MORC1: variants seen among roughly 807,000 people sequenced by gnomAD.
MORC1 encodes the protein MORC family CW-type zinc finger 1, also known as MORC family CW-type zinc finger protein 1.
Under a neutral mutation model 134.9 loss-of-function variants are expected in MORC1, and 59 were observed. The observed-to-expected ratio is 0.44, with a 90% CI of 0.35 to 0.54. MORC1 has a LOEUF of 0.54. MORC1 is among the 20% of genes least tolerant of loss of function. The pLI is 0.00. For synonymous variants in MORC1, 395 were observed against 391.7 expected (o/e 1.01, Z -0.10); for missense variants, 947 against 1,134.5 (o/e 0.83, Z 2.37).
chr3:109,009,111 A>G (rs990299378), intron 17 of MORC1, among the ~76,000 whole-genome samples: 1 of 151,992 alleles, frequency 6.6e-6, no homozygotes, highest in Non-Finnish European at 1.5e-5. Flanking sequence ...ATTTTCAGAC[A>G]TCTCTTGCTG....
rs1004057373 is a variant in MORC1, at chr3:108,958,347, G to A, written c.*618C>T. 6.7e-5 allele frequency: 10 copies of A among 150,050 alleles called. No homozygotes were observed. Among genetic ancestry groups the A allele is most frequent in the Middle Eastern group, 7.0e-3 (2 of 286 alleles). The allele number at this position is 150,050 out of a possible 1,614,324, so 9.3% of individuals were successfully genotyped here. On this transcript the variant is annotated 3_prime_UTR_variant, in exon 28 of 28. Transcript: ENST00000232603. ...AAAGTGTAAAAACATACTTCTTTAC[G>A]TATATGTAAATGTAAAACAACAATT...
intron 14 of MORC1, among the ~76,000 whole-genome samples, chr3:109,043,375 G>A (rs1949606662): frequency 6.6e-6 from 1 of 152,136 alleles, no homozygotes; most frequent in Non-Finnish European, 1.5e-5. Flanking sequence ...CATAGAGACA[G>A]AAAGTAGAAT....
At chr3:108,966,751 T>G (rs529452610) in intron 26 of MORC1, among the ~76,000 whole-genome samples, 1 of 152,002 alleles carries the variant, frequency 6.6e-6, no homozygotes, top group Admixed American at 6.6e-5. Flanking sequence ...AGAGGCCCAC[T>G]GTGTATTGGG....
intron 21 of MORC1, among the ~76,000 whole-genome samples, chr3:108,994,270 C>A (rs895740103): frequency 5.3e-5 from 8 of 151,626 alleles, no homozygotes; most frequent in African/African-American, 1.9e-4. Flanking sequence ...GTGTTCTGAC[C>A]ATCACGTGCT....
At chr3:108,991,976 T>C (rs998637882) in intron 21 of MORC1, among the ~76,000 whole-genome samples, 2 of 152,184 alleles carry the variant, frequency 1.3e-5, no homozygotes, top group African/African-American at 4.8e-5. Context: ...CCTACGTGTT[T>C]TTGTTGGTCT....
At chr3:108,992,102 T>C (rs181340369) in intron 21 of MORC1, among the ~76,000 whole-genome samples, 5 of 152,314 alleles carry the variant, frequency 3.3e-5, no homozygotes, top group Non-Finnish European at 5.9e-5. Context: ...TGCATGCTAC[T>C]ATCTCAATCA....
chr3:108,983,231 A>T (rs1298555762), intron 23 of MORC1, among the ~76,000 whole-genome samples: 2 of 152,218 alleles, frequency 1.3e-5, no homozygotes, highest in African/African-American at 4.8e-5. Flanking sequence ...TACATCACTT[A>T]TTTAATCAAC....
intron 17 of MORC1, among the ~76,000 whole-genome samples, chr3:109,021,076 G>A (rs1207814357): frequency 6.6e-6 from 1 of 152,160 alleles, no homozygotes; most frequent in East Asian, 1.9e-4. Flanking sequence ...AGGCGTGGAG[G>A]CACAGACTTC....
intron 14 of MORC1, among the ~76,000 whole-genome samples, chr3:109,039,465 T>C (rs531241770): frequency 2.8e-4 from 42 of 152,232 alleles, no homozygotes; most frequent in Non-Finnish European, 5.1e-4. Context: ...GGGAAGAAGA[T>C]AGAGTAGGAA....
chr3:108,976,759 A>G (rs1412880751), intron 24 of MORC1, among the ~76,000 whole-genome samples: 1 of 152,224 alleles, frequency 6.6e-6, no homozygotes, highest in Non-Finnish European at 1.5e-5. Context: ...CAGAGTGCTC[A>G]GTTGGTAACA....
chr3:109,045,121 T>C (rs1576673443), intron 14 of MORC1, among the ~76,000 whole-genome samples: 1 of 152,066 alleles, frequency 6.6e-6, no homozygotes, highest in African/African-American at 2.4e-5. Context: ...TAAGGAGGCC[T>C]GAAACAGTTT....
chr3:108,987,979 C>T (rs994406808), intron 21 of MORC1, among the ~76,000 whole-genome samples: 13 of 152,088 alleles, frequency 8.5e-5, no homozygotes, highest in Non-Finnish European at 1.5e-4. Context: ...GCAACCATGT[C>T]CCCATCTGTT....
At chr3:109,063,855 G>A (rs949823289) in intron 9 of MORC1, among the ~76,000 whole-genome samples, 1 of 152,082 alleles carries the variant, frequency 6.6e-6, no homozygotes, top group Non-Finnish European at 1.5e-5. Context: ...AGAACCTGAG[G>A]TTCTCTGAAT....
At chr3:109,041,049 C>T (rs559472418) in intron 14 of MORC1, among the ~76,000 whole-genome samples, 8 of 151,848 alleles carry the variant, frequency 5.3e-5, no homozygotes, top group South Asian at 2.1e-4. Flanking sequence ...TGGTGGCTCA[C>T]GCCTGTAATC....
chr3:109,089,374 A>G (rs573292540), intron 8 of MORC1, among the ~76,000 whole-genome samples: 3 of 152,156 alleles, frequency 2.0e-5, no homozygotes, highest in Admixed American at 1.3e-4. Flanking sequence ...AAGTAGAATT[A>G]CAGTCCTACA....
At position 108,971,527 on chromosome 3, in the gene MORC1, C is replaced by CA. The variant is rs1947379698; in HGVS notation, c.2478-126dup. ...GGCAAAGATGAACATTAGTTCCCCC[C>CA]AAACATTTTGTTTTTATCACTGACA... On this transcript the variant is annotated intron_variant, in intron 24 of 27. Transcript: ENST00000232603. The CA allele has an allele frequency of 6.6e-6, 5 of 760,834 alleles. No individual in the cohort carries two copies. In the Admixed American group the frequency reaches 1.4e-4, roughly 21 times the overall value. 47.1% of individuals were successfully genotyped at this position (760,834 alleles called of 1,614,324 possible).
intron 14 of MORC1, among the ~76,000 whole-genome samples, chr3:109,046,722 T>C (rs534483795): frequency 1.3e-5 from 2 of 152,248 alleles, no homozygotes; most frequent in Non-Finnish European, 2.9e-5. Flanking sequence ...TAAAATAAAC[T>C]TTATTGTGTG....
At chr3:109,089,164 A>G (rs1950671172) in intron 8 of MORC1, among the ~76,000 whole-genome samples, 1 of 152,244 alleles carries the variant, frequency 6.6e-6, no homozygotes, top group East Asian at 1.9e-4. Flanking sequence ...CCTCTGTGAC[A>G]TGAGTTTACC....
chr3:109,055,007 T>C, intron 13 of MORC1, 125 bp from the exon 14 acceptor site: 1 of 866,202 alleles, frequency 1.2e-6, no homozygotes, highest in Non-Finnish European at 1.7e-6. Flanking sequence ...CTGGACCATG[T>C]CAAAGTTTAA....
Sources: gnomAD v4.1 joint callset for allele counts (sites outside exome capture counted in the v4.1 genomes callset) on GRCh38, gnomAD v4.1.1 for gene constraint, MANE v1.5 for transcripts, NCBI Gene and HGNC (gene_info 2026-07-23, HGNC 2026-07-21) for gene names.